Variants in OPCML observed in about 807,000 individuals in gnomAD.
OPCML encodes the protein opioid-binding protein/cell adhesion molecule.
A neutral mutation model predicts 37.8 loss-of-function variants in OPCML; 13 were observed. The ratio of observed to expected loss-of-function variants is 0.34; its 90% CI spans 0.22 to 0.55. The LOEUF (loss-of-function observed/expected upper bound fraction) is 0.55. Ranked by LOEUF, OPCML falls within the 20% of genes least tolerant of loss-of-function variation. The pLI is 0.91. For synonymous variants in OPCML, 176 were observed against 168.8 expected, an observed-to-expected ratio of 1.04 and a Z score of -0.33; for missense variants, 341 against 435.6, an observed-to-expected ratio of 0.78 and a Z score of 1.93.
At chr11:132,644,190 A>AT (rs1168367482) in intron 3 of OPCML, among the ~76,000 whole-genome samples, 4 of 151,928 alleles carry the variant, frequency 2.6e-5, no homozygotes, top group Non-Finnish European at 2.9e-5. Flanking sequence ...GATAGGGCTT[A>AT]TTTTTTTTCC....
intron 1 of OPCML, among the ~76,000 whole-genome samples, chr11:132,952,825 G>A (rs75033329): frequency 0.1 from 15,561 of 152,160 alleles, 923 homozygotes; most frequent in South Asian, 0.23. Context: ...TGGCACGATG[G>A]CAGCTCTCCA....
At chr11:133,524,894 G>C (rs1377487155) in intron 1 of OPCML, among the ~76,000 whole-genome samples, 2 of 152,190 alleles carry the variant, frequency 1.3e-5, no homozygotes, top group African/African-American at 4.8e-5. Flanking sequence ...GGACTCAGTG[G>C]GATGGAACAG....
chr11:133,039,987 C>A (rs1304848404), intron 1 of OPCML, among the ~76,000 whole-genome samples: 3 of 151,748 alleles, frequency 2.0e-5, no homozygotes, highest in Non-Finnish European at 4.4e-5. Context: ...CAAGATCACA[C>A]CACTGCACTA....
chr11:133,015,680 G>C (rs549491472), intron 1 of OPCML, among the ~76,000 whole-genome samples: 1 of 152,160 alleles, frequency 6.6e-6, no homozygotes, highest in Non-Finnish European at 1.5e-5. Flanking sequence ...TTGGCATGCA[G>C]TGAAAAATCC....
chr11:133,467,950 C>A (rs1376733116), intron 1 of OPCML, among the ~76,000 whole-genome samples: 1 of 152,180 alleles, frequency 6.6e-6, no homozygotes, highest in Admixed American at 6.5e-5. Context: ...GTCTTCTCCT[C>A]CTTGGCCACT....
chr11:132,514,855 T>A (rs2096276383), intron 4 of OPCML, among the ~76,000 whole-genome samples: 1 of 152,098 alleles, frequency 6.6e-6, no homozygotes, highest in African/African-American at 2.4e-5. Flanking sequence ...CACGGCCCTA[T>A]GATGCCCTAC....
At chr11:132,724,611 G>A (rs1944807889) in intron 2 of OPCML, among the ~76,000 whole-genome samples, 1 of 151,994 alleles carries the variant, frequency 6.6e-6, no homozygotes, top group African/African-American at 2.4e-5. Context: ...GCCTTCCCAA[G>A]AGTTTCTCAA....
chr11:132,769,614 G>A (rs1946571040), intron 2 of OPCML, among the ~76,000 whole-genome samples: 1 of 152,160 alleles, frequency 6.6e-6, no homozygotes, highest in Admixed American at 6.5e-5. Flanking sequence ...CTGCCTTTGG[G>A]TGGGCCAGTC....
chr11:132,731,587 C>T (rs1489416783), intron 2 of OPCML, among the ~76,000 whole-genome samples: 1 of 152,104 alleles, frequency 6.6e-6, no homozygotes, highest in Non-Finnish European at 1.5e-5. Context: ...CATTTTGAGG[C>T]CATTGTAAGG....
chr11:132,781,262 C>A (rs1465913370), intron 2 of OPCML, among the ~76,000 whole-genome samples: 1 of 152,080 alleles, frequency 6.6e-6, no homozygotes, highest in Non-Finnish European at 1.5e-5. Context: ...AGTGAGTGCC[C>A]TGCCCCTCAC....
At chr11:133,468,376 A>C (rs919170834) in intron 1 of OPCML, among the ~76,000 whole-genome samples, 2 of 152,222 alleles carry the variant, frequency 1.3e-5, no homozygotes, top group Non-Finnish European at 2.9e-5. Context: ...TGTCAAAGTC[A>C]TAACTGCAAC....
At chr11:132,676,051 C>G (rs1942688365) in intron 2 of OPCML, among the ~76,000 whole-genome samples, 1 of 152,072 alleles carries the variant, frequency 6.6e-6, no homozygotes, top group Non-Finnish European at 1.5e-5. Flanking sequence ...TACTAAAAAG[C>G]TACAGCAATT....
At chr11:133,410,743 T>C (rs951547922) in intron 1 of OPCML, among the ~76,000 whole-genome samples, 2 of 140,282 alleles carry the variant, frequency 1.4e-5, no homozygotes, top group African/African-American at 5.1e-5. Flanking sequence ...GTCTCCAAAA[T>C]GGGCTTTAAA....
intron 2 of OPCML, among the ~76,000 whole-genome samples, chr11:132,696,452 T>G (rs908016558): frequency 4.6e-5 from 7 of 152,118 alleles, no homozygotes; most frequent in African/African-American, 7.2e-5. Flanking sequence ...GGAGAAAGTA[T>G]TTTTTAAGCA....
intron 1 of OPCML, among the ~76,000 whole-genome samples, chr11:133,097,528 G>A (rs896617324): frequency 2.6e-5 from 4 of 151,902 alleles, no homozygotes; most frequent in African/African-American, 9.7e-5. Flanking sequence ...TAGAACAAAC[G>A]TCAATGAAAT....
chr11:132,804,509 G>A (rs1938879316), intron 2 of OPCML, among the ~76,000 whole-genome samples: 1 of 152,156 alleles, frequency 6.6e-6, no homozygotes, highest in Non-Finnish European at 1.5e-5. Flanking sequence ...GCAGAACATA[G>A]CTACTAAATG....
At chr11:133,332,148 C>T (rs1015505132) in intron 1 of OPCML, among the ~76,000 whole-genome samples, 19 of 152,234 alleles carry the variant, frequency 1.2e-4, no homozygotes, top group African/African-American at 4.1e-4. Context: ...TATCATCTCC[C>T]TAGTTAGCCA....
At chr11:132,751,842 A>G (rs1409603308) in intron 2 of OPCML, among the ~76,000 whole-genome samples, 2 of 152,230 alleles carry the variant, frequency 1.3e-5, no homozygotes, top group Non-Finnish European at 2.9e-5. Context: ...CAATACTTGA[A>G]TTGCTTAAGG....
chr11:133,007,112 G>C (rs933403075), intron 1 of OPCML: 8 of 985,260 alleles, frequency 8.1e-6, no homozygotes, highest in African/African-American at 1.7e-5. Context: ...ATCCCCTAGA[G>C]CTTTATTTTC....
Sources: allele counts gnomAD v4.1 joint callset (sites outside exome capture counted in the v4.1 genomes callset), GRCh38; gene constraint gnomAD v4.1.1; transcripts MANE v1.5; gene names NCBI Gene and HGNC (gene_info 2026-07-23, HGNC 2026-07-21).